The following LHX4 variants were observed in gnomAD, a reference collection of about 807,000 sequenced individuals.
LHX4 encodes the protein LIM/homeobox protein Lhx4.
Under a neutral mutation model 39.2 loss-of-function variants are expected in LHX4, and 16 were observed. The observed-to-expected ratio is 0.41, with a 90% CI of 0.28 to 0.62. The LOEUF (loss-of-function observed/expected upper bound fraction) is 0.62. Among genes scored for constraint, LHX4 ranks in the 20% least tolerant of loss-of-function variants. LHX4 has a pLI of 0.33. For synonymous variants in LHX4, 206 were observed against 198.1 expected (o/e 1.04, Z -0.33); for missense variants, 439 against 511.9 (o/e 0.86, Z 1.37).
At position 180,240,330 on chromosome 1, in the gene LHX4, G is replaced by A. The variant is rs562207395; in HGVS notation, c.77-7955G>A. On this transcript the variant is annotated intron_variant, in intron 1 of 5. Coordinates refer to ENST00000263726, the MANE Select transcript of LHX4 (RefSeq NM_033343.4). Reference sequence around the variant, plus strand: ...ATTACAGGTGTGAGCCACCGTGCCCGGCCTAAACATTCCTATCAGTACAAA... The same window carrying A: ...ATTACAGGTGTGAGCCACCGTGCCCAGCCTAAACATTCCTATCAGTACAAA... 1.9e-3 allele frequency among the ~76,000 whole-genome samples: 284 copies of A among 152,176 alleles called. 2 individuals carry two copies. Among genetic ancestry groups the A allele is most frequent in the South Asian group, 0.015 (72 of 4,808 alleles).
chr1:180,236,850 G>A (rs1178969449), intron 1 of LHX4, among the ~76,000 whole-genome samples: 1 of 152,016 alleles, frequency 6.6e-6, no homozygotes, highest in African/African-American at 2.4e-5. Context: ...CACGGTTGGA[G>A]ACAGACTGAA....
intron 2 of LHX4, among the ~76,000 whole-genome samples, chr1:180,261,400 C>T (rs554925881): frequency 1.5e-4 from 23 of 152,252 alleles, no homozygotes; most frequent in Admixed American, 9.8e-4. Flanking sequence ...ACCTGTAATT[C>T]CAGTGCTTTG....
At chr1:180,249,551 C>T (rs747317632) in intron 2 of LHX4, among the ~76,000 whole-genome samples, 1 of 152,210 alleles carries the variant, frequency 6.6e-6, no homozygotes, top group Non-Finnish European at 1.5e-5. Flanking sequence ...TGAACACACC[C>T]AGCCCAGATA....
intron 2 of LHX4, among the ~76,000 whole-genome samples, chr1:180,250,219 A>G (rs1647563604): frequency 6.6e-6 from 1 of 151,800 alleles, no homozygotes; most frequent in Non-Finnish European, 1.5e-5. Flanking sequence ...ATCCTTTCCC[A>G]GTGGGCAACA....
intron 2 of LHX4, among the ~76,000 whole-genome samples, chr1:180,261,258 G>A (rs977575605): frequency 6.6e-6 from 1 of 150,760 alleles, no homozygotes; most frequent in Non-Finnish European, 1.5e-5. Context: ...TGAGTGGGGC[G>A]CTGCCCTGAA....
chr1:180,245,401 T>G (rs530439382), intron 1 of LHX4, among the ~76,000 whole-genome samples: 1 of 152,038 alleles, frequency 6.6e-6, no homozygotes, highest in East Asian at 2.0e-4. Flanking sequence ...CAGCCCCTGA[T>G]GGCCCCTGAT....
intron 1 of LHX4, among the ~76,000 whole-genome samples, chr1:180,244,041 G>A (rs1335501813): frequency 2.0e-5 from 3 of 152,152 alleles, no homozygotes; most frequent in Admixed American, 2.0e-4. Context: ...GCCTGATCTC[G>A]CGAAGGCTCA....
intron 1 of LHX4, among the ~76,000 whole-genome samples, chr1:180,241,403 C>T (rs4652489): frequency 0.16 from 24,541 of 152,096 alleles, 2,168 homozygotes; most frequent in Non-Finnish European, 0.2. Context: ...AATAATGAAG[C>T]ATGAAGTAAT....
At chr1:180,244,817 C>T (rs56209326) in intron 1 of LHX4, among the ~76,000 whole-genome samples, 10,332 of 152,240 alleles carry the variant, frequency 0.068, 406 homozygotes, top group African/African-American at 0.083. Flanking sequence ...AGTTAATTGC[C>T]CCCCTGGGAG....
chr1:180,248,119 C>T (rs1223843100), intron 1 of LHX4, among the ~76,000 whole-genome samples, 166 bp from the exon 2 acceptor site: 8 of 152,226 alleles, frequency 5.3e-5, no homozygotes, highest in Admixed American at 3.9e-4. Flanking sequence ...TGACTACGTA[C>T]GTTTGTGTGC....
At position 180,230,394 on chromosome 1, in the gene LHX4, G is replaced by A. The variant is rs1031189201; in HGVS notation, c.-136G>A. On this transcript the variant is annotated 5_prime_UTR_variant, in exon 1 of 6. Transcript: ENST00000263726. This position sits in a 1 kb window ranked among gnomAD's most constrained non-coding sequence, Gnocchi z 5.8. ...CAGCCTGTGGAGTCCTCCCTGAGAA[G>A]CGGAGGGCCCGGCTTCCACCGTGAC... 11 of 749,836 alleles carry A rather than the reference G, an allele frequency of 1.5e-5. No homozygotes were observed. The highest frequency in any genetic ancestry group is 8.1e-5 in the Admixed American group (4 of 49,352). The allele number at this position is 749,836 out of a possible 1,614,324, so 46.4% of individuals were successfully genotyped here. A position where few individuals can be genotyped will look rare whatever the true frequency, so the allele number is the denominator to read the frequency against.
At chr1:180,249,145 T>G (rs1647500963) in intron 2 of LHX4, among the ~76,000 whole-genome samples, 1 of 152,228 alleles carries the variant, frequency 6.6e-6, no homozygotes, top group Non-Finnish European at 1.5e-5. Flanking sequence ...GGGCTCACAG[T>G]AGTAGTCCCT....
At chr1:180,230,199 C>G, upstream of LHX4, 1 of 414,176 alleles carries the variant, frequency 2.4e-6, no homozygotes, top group Non-Finnish European at 4.4e-6. The surrounding 1 kb of genome is among the most constrained non-coding windows in gnomAD (Gnocchi z 5.8). Context: ...TCCCGGGCGG[C>G]CGGCACGCGA....
At chr1:180,250,547 G>C (rs1320071654) in intron 2 of LHX4, among the ~76,000 whole-genome samples, 2 of 152,334 alleles carry the variant, frequency 1.3e-5, no homozygotes, top group South Asian at 4.1e-4. Context: ...CCGTCTCGGG[G>C]CAGGGTAGGT....
At chr1:180,245,236 T>C (rs1421851632) in intron 1 of LHX4, among the ~76,000 whole-genome samples, 1 of 152,206 alleles carries the variant, frequency 6.6e-6, no homozygotes, top group African/African-American at 2.4e-5. Context: ...TTGCCCTTCA[T>C]AACCCTCCTG....
intron 1 of LHX4, among the ~76,000 whole-genome samples, chr1:180,240,111 A>T (rs1228802267): frequency 6.6e-6 from 1 of 152,266 alleles, no homozygotes; most frequent in African/African-American, 2.4e-5. Context: ...AAAGCCTCAC[A>T]GGAGGCACAT....
chr1:180,242,396 CTT>C (rs1443322605), intron 1 of LHX4, among the ~76,000 whole-genome samples: 1 of 151,796 alleles, frequency 6.6e-6, no homozygotes, highest in Admixed American at 6.6e-5. Flanking sequence ...CAAGGTGTAT[CTT>C]TATTTGTGAT....
intron 1 of LHX4, among the ~76,000 whole-genome samples, chr1:180,245,940 T>C (rs1478630389): frequency 2.6e-5 from 4 of 151,268 alleles, no homozygotes; most frequent in African/African-American, 4.9e-5. Context: ...CTGGGCACAG[T>C]GGAACTCCTG....
intron 1 of LHX4, among the ~76,000 whole-genome samples, chr1:180,239,187 C>G (rs964555751): frequency 1.3e-5 from 2 of 152,164 alleles, no homozygotes; most frequent in African/African-American, 4.8e-5. Context: ...TGTAGCTTCA[C>G]CTTGTTGATG....
Sources: allele counts gnomAD v4.1 joint callset (sites outside exome capture counted in the v4.1 genomes callset), GRCh38; gene constraint gnomAD v4.1.1; non-coding constraint Gnocchi (gnomAD v3.1); transcripts MANE v1.5; gene names NCBI Gene and HGNC (gene_info 2026-07-23, HGNC 2026-07-21).